The following PLXDC2 variants were observed in gnomAD, a reference collection of about 807,000 sequenced individuals.
PLXDC2 encodes the protein plexin domain containing 2.
A neutral mutation model predicts 68.9 loss-of-function variants in PLXDC2; 40 were observed. The ratio of observed to expected loss-of-function variants is 0.58; its 90% CI spans 0.45 to 0.76. The LOEUF (loss-of-function observed/expected upper bound fraction) is 0.76, where lower values mean the gene tolerates loss of function less well. Among genes scored for constraint, PLXDC2 ranks in the 30% least tolerant of loss-of-function variants. The probability of loss-of-function intolerance (pLI) is 0.00; values close to 1 mark genes in which losing one functional copy is unlikely to be tolerated. For missense variants in PLXDC2, 644 were observed against 661.9 expected, an observed-to-expected ratio of 0.97 and a Z score of 0.30; for synonymous variants, 243 against 234.2, an observed-to-expected ratio of 1.04 and a Z score of -0.34.
intron 1 of PLXDC2, among the ~76,000 whole-genome samples, chr10:19,872,734 G>A (rs4748619): frequency 0.051 from 7,754 of 152,026 alleles, 392 homozygotes; most frequent in East Asian, 0.18. Context: ...GGCTTGGGTC[G>A]GCATCCATGA....
intron 4 of PLXDC2, among the ~76,000 whole-genome samples, chr10:20,108,867 T>G (rs932048070): frequency 6.6e-6 from 1 of 152,194 alleles, no homozygotes; most frequent in Admixed American, 6.5e-5. Flanking sequence ...TGAATAAGAA[T>G]GTAGGGTTTT....
intron 1 of PLXDC2, among the ~76,000 whole-genome samples, chr10:19,915,668 A>T (rs989653733): frequency 3.3e-5 from 5 of 151,916 alleles, no homozygotes; most frequent in African/African-American, 7.3e-5. Flanking sequence ...CGTTTCTTCC[A>T]TCTTGAGGTC....
chr10:20,078,662 T>G (rs1836494001), intron 4 of PLXDC2, among the ~76,000 whole-genome samples: 1 of 152,334 alleles, frequency 6.6e-6, no homozygotes, highest in South Asian at 2.1e-4. Flanking sequence ...TTTATGTTTC[T>G]ATTCCCTAGT....
At chr10:20,258,024 C>CA (rs1835764941) in intron 13 of PLXDC2, among the ~76,000 whole-genome samples, 1 of 87,308 alleles carries the variant, frequency 1.1e-5, no homozygotes, top group African/African-American at 4.8e-5. Flanking sequence ...TTTTTTGAGA[C>CA]AGAGTTTTGC....
chr10:20,003,547 C>T (rs993925395), intron 2 of PLXDC2, among the ~76,000 whole-genome samples: 36 of 152,144 alleles, frequency 2.4e-4, no homozygotes, highest in Non-Finnish European at 5.9e-5. Context: ...ATTCTCCTGC[C>T]TCAGCCTCCT....
rs1835576005 is a variant in PLXDC2, at chr10:20,245,224, A to C, written c.1313-121A>C. On this transcript the variant is annotated intron_variant, in intron 12 of 13. Transcript: ENST00000377252. ...CACCTGTAAAATTGATGTTGCAGAA[A>C]AGTTGTCCAGGAAGTAAAGATCCAG... 5 of 1,075,730 alleles carry C rather than the reference A, an allele frequency of 4.6e-6. No homozygotes were observed. In the East Asian group the frequency reaches 1.4e-4, roughly 29 times the overall value. 66.6% of individuals were successfully genotyped at this position (1,075,730 alleles called of 1,614,324 possible).
At chr10:20,051,405 T>TAC (rs1236119181) in intron 3 of PLXDC2, among the ~76,000 whole-genome samples, 34 of 4,306 alleles carry the variant, frequency 7.9e-3, no homozygotes, top group African/African-American at 0.033. Context: ...AATATATATA[T>TAC]ATATATATAT....
At chr10:19,951,536 C>T (rs1202308699) in intron 1 of PLXDC2, among the ~76,000 whole-genome samples, 3 of 152,130 alleles carry the variant, frequency 2.0e-5, no homozygotes, top group Non-Finnish European at 4.4e-5. Context: ...AAAGGGAATG[C>T]TTATACGCTG....
intron 4 of PLXDC2, among the ~76,000 whole-genome samples, chr10:20,102,044 C>A (rs1019927913): frequency 6.6e-6 from 1 of 152,082 alleles, no homozygotes; most frequent in South Asian, 2.1e-4. Flanking sequence ...TCATTTGATC[C>A]TCCCGCCTCG....
chr10:19,841,495 G>A (rs1459846658), intron 1 of PLXDC2, among the ~76,000 whole-genome samples: 1 of 149,052 alleles, frequency 6.7e-6, no homozygotes, highest in East Asian at 2.0e-4. Context: ...TTATCATCTA[G>A]TGATCATAAA....
chr10:19,858,282 A>G (rs1174231587), intron 1 of PLXDC2, among the ~76,000 whole-genome samples: 1 of 152,188 alleles, frequency 6.6e-6, no homozygotes, highest in Non-Finnish European at 1.5e-5. Context: ...AACCTGCACC[A>G]TGCAGCTAAC....
In PLXDC2 at chr10:20,147,844, G is replaced by C. The variant is rs1834099656; in HGVS notation, c.725G>C (p.Ser242Thr). The change falls in exon 6 of 14, where the codon AGC (serine) becomes ACC (threonine). Residue 242 changes from serine (S) to threonine (T), a missense_variant. This residue lies in a region of PLXDC2 where 113 missense variants were observed against 167.1 expected (regional missense o/e 0.68). Transcript: ENST00000377252. ...VHLQDNYNLG[S>T]FTFQATLLMD... ...CTCCAGGATAATTATAACCTGGGAA[G>C]CTTCACATTCCAGGCAACCCTGCTC... 2 of 1,613,566 alleles carry C rather than the reference G, an allele frequency of 1.2e-6. No homozygotes were observed. Among genetic ancestry groups the C allele is most frequent in the Middle Eastern group, 1.6e-4 (1 of 6,082 alleles).
rs367982414 is a variant in PLXDC2 at position 20,143,324 on chromosome 10, C to T, written c.571C>T (p.Arg191Ter). ...GFIYTGEVVH[R>*]MLTATQYIAP... is the part of the protein sequence containing the mutation. ...CATATACACTGGAGAAGTCGTACATCGAATGCTAACAGCCACACAGTACAT... is the reference window on the plus strand; with the variant it reads ...CATATACACTGGAGAAGTCGTACATTGAATGCTAACAGCCACACAGTACAT... The change falls in exon 5 of 14, where the codon CGA (arginine) becomes TGA (stop). Residue 191 changes from arginine (R) to a stop codon, truncating the protein, a stop_gained. Coordinates refer to ENST00000377252, the MANE Select transcript of PLXDC2 (RefSeq NM_032812.9). LOFTEE classifies it high-confidence loss of function. The T allele has an allele frequency of 4.3e-6, 7 of 1,612,696 alleles. No homozygotes were observed. The highest frequency in any genetic ancestry group is 4.0e-5 in the African/African-American group (3 of 74,844).
chr10:20,009,564 A>G (rs1326670956), intron 2 of PLXDC2, among the ~76,000 whole-genome samples: 1 of 151,940 alleles, frequency 6.6e-6, no homozygotes, highest in African/African-American at 2.4e-5. Context: ...ACAGAAGATG[A>G]GAATGAAAGC....
chr10:20,245,194 C>T (rs1835575516), intron 12 of PLXDC2, 151 bp from the exon 13 acceptor site: 2 of 668,360 alleles, frequency 3.0e-6, no homozygotes, highest in East Asian at 5.7e-5. Flanking sequence ...ATATGAAGAG[C>T]ACGTCACCTG....
chr10:20,151,316 A>G (rs779601133), intron 6 of PLXDC2, among the ~76,000 whole-genome samples: 4 of 152,224 alleles, frequency 2.6e-5, no homozygotes, highest in Non-Finnish European at 5.9e-5. Context: ...TTTCACATGC[A>G]TTATAGCATT....
At chr10:19,825,769 A>G (rs1295585020) in intron 1 of PLXDC2, among the ~76,000 whole-genome samples, 2 of 152,166 alleles carry the variant, frequency 1.3e-5, no homozygotes, top group Non-Finnish European at 2.9e-5. Context: ...CTCATGCTGA[A>G]TCTATTATAT....
At chr10:19,870,825 C>A (rs1039408547) in intron 1 of PLXDC2, among the ~76,000 whole-genome samples, 1 of 152,212 alleles carries the variant, frequency 6.6e-6, no homozygotes, top group Non-Finnish European at 1.5e-5. Flanking sequence ...GAAAATCTGT[C>A]ATATGTAACT....
At chr10:20,241,671 T>A (rs1835517972) in intron 12 of PLXDC2, among the ~76,000 whole-genome samples, 1 of 152,132 alleles carries the variant, frequency 6.6e-6, no homozygotes, top group Non-Finnish European at 1.5e-5. Context: ...CTCAGCTACT[T>A]GGGAGGCCAA....
Sources: gnomAD v4.1 joint callset for allele counts (sites outside exome capture counted in the v4.1 genomes callset) on GRCh38, gnomAD v4.1.1 for gene constraint, gnomAD v4.1.1 regional missense constraint, MANE v1.5 for transcripts, NCBI Gene and HGNC (gene_info 2026-07-23, HGNC 2026-07-21) for gene names.